HPGD: variants seen among roughly 807,000 people sequenced by gnomAD.
HPGD encodes the protein 15-hydroxyprostaglandin dehydrogenase [NAD(+)].
A neutral mutation model predicts 30.0 loss-of-function variants in HPGD; 29 were observed. That is an observed-to-expected ratio of 0.97 (90% CI 0.72 to 1.32). HPGD has a LOEUF of 1.32. HPGD is among the 40% of genes most tolerant of loss of function. The pLI is 0.00. For synonymous variants in HPGD, 99 were observed against 112.4 expected, an observed-to-expected ratio of 0.88 and a Z score of 0.75; for missense variants, 340 against 322.1, an observed-to-expected ratio of 1.06 and a Z score of -0.43.
intron 3 of HPGD, among the ~76,000 whole-genome samples, chr4:174,516,605 A>G (rs1171029582): frequency 6.6e-6 from 1 of 152,156 alleles, no homozygotes; most frequent in Non-Finnish European, 1.5e-5. Flanking sequence ...TACTCAGGTA[A>G]CAAATCTGCA....
chr4:174,495,342 G>C, intron 5 of HPGD: 1 of 593,104 alleles, frequency 1.7e-6, no homozygotes. Flanking sequence ...TAACACATCT[G>C]TATTTAGAAT....
intron 2 of HPGD, among the ~76,000 whole-genome samples, chr4:174,519,114 T>C (rs17060596): frequency 0.14 from 21,919 of 152,222 alleles, 1,732 homozygotes; most frequent in East Asian, 0.24. Flanking sequence ...ATTACTATGC[T>C]AGTTGTTTAC....
chr4:174,522,178 TTGGGTTCCCTCCCAGCCACTTCTG>T (rs1736173270), intron 1 of HPGD, 111 bp from the exon 2 acceptor site: 1 of 1,536,894 alleles, frequency 6.5e-7, no homozygotes, highest in African/African-American at 1.4e-5. Flanking sequence ...GCAATTAGGT[TTGGGTTCCCTCCCAGCCACTTCTG>T]AGGTGTGCTC....
At chr4:174,512,376 G>T (rs1735550831) in intron 3 of HPGD, among the ~76,000 whole-genome samples, 1 of 152,050 alleles carries the variant, frequency 6.6e-6, no homozygotes, top group South Asian at 2.1e-4. Flanking sequence ...TTAAAAAACT[G>T]GTAAGCCCTA....
At chr4:174,515,854 G>GAC (rs1287378393) in intron 3 of HPGD, among the ~76,000 whole-genome samples, 13 of 151,910 alleles carry the variant, frequency 8.6e-5, no homozygotes, top group Admixed American at 3.3e-4. Flanking sequence ...GAAGAGGACA[G>GAC]ACACATGGCC....
intron 4 of HPGD, among the ~76,000 whole-genome samples, chr4:174,506,064 G>A (rs1735170641): frequency 6.6e-6 from 1 of 152,188 alleles, no homozygotes; most frequent in Non-Finnish European, 1.5e-5. Flanking sequence ...TGTTGTATCT[G>A]ACATAGGTAA....
At chr4:174,517,008 A>G (rs993729212) in intron 3 of HPGD, among the ~76,000 whole-genome samples, 3 of 152,182 alleles carry the variant, frequency 2.0e-5, no homozygotes, top group Non-Finnish European at 4.4e-5. Context: ...CTGTACCTTT[A>G]TACATACACA....
intron 5 of HPGD, among the ~76,000 whole-genome samples, chr4:174,493,893 C>A (rs1215875442): frequency 6.6e-6 from 1 of 152,054 alleles, no homozygotes; most frequent in Non-Finnish European, 1.5e-5. Flanking sequence ...AATTTGCTTG[C>A]TAAAATTTAC....
chr4:174,502,677 C>CAAAAAAAA, intron 4 of HPGD, among the ~76,000 whole-genome samples: 1 of 98,836 alleles, frequency 1.0e-5, no homozygotes, highest in Non-Finnish European at 2.0e-5. Flanking sequence ...GACTCCGTCT[C>CAAAAAAAA]AAAAAAAAAA....
intron 3 of HPGD, among the ~76,000 whole-genome samples, chr4:174,516,459 G>A (rs1226813732): frequency 6.6e-6 from 1 of 152,098 alleles, no homozygotes; most frequent in East Asian, 1.9e-4. Context: ...ATACAAAGGG[G>A]AACAATAGTC....
Position 174,522,466 on chromosome 4 carries a change from T to C in HPGD, c.-15A>G. On this transcript the variant is annotated 5_prime_UTR_variant, in exon 1 of 7. Transcript: ENST00000296522. ...TTCACGTGCATGGTGCAGCCACTGC[T>C]GGGGCGGGCGGTGGGCGAGCTCCGC... is the stretch of plus-strand genomic sequence containing the variant. 6.5e-7 allele frequency: 1 copy of C among 1,545,426 alleles called. No individual in the cohort carries two copies. The highest frequency in any genetic ancestry group is 8.8e-7 in the Non-Finnish European group (1 of 1,142,086).
chr4:174,521,264 T>TCCC (rs1736094475), intron 2 of HPGD, among the ~76,000 whole-genome samples: 1 of 152,162 alleles, frequency 6.6e-6, no homozygotes, highest in Admixed American at 6.5e-5. Flanking sequence ...AAGCTGTTTA[T>TCCC]TGTGTATGCC....
chr4:174,505,816 T>C (rs1480478800), intron 4 of HPGD, among the ~76,000 whole-genome samples: 3 of 151,362 alleles, frequency 2.0e-5, no homozygotes, highest in African/African-American at 7.3e-5. Context: ...ATGGAGAGAG[T>C]AGTAAGCCAA....
rs45470701 is a variant in HPGD at position 174,521,772 on chromosome 4, A to G, written c.217+172T>C. On this transcript the variant is annotated intron_variant, in intron 2 of 6. Coordinates refer to ENST00000296522, the MANE Select transcript of HPGD (RefSeq NM_000860.6). Reference sequence around the variant, plus strand: ...TTGCCTTTCTTTCGGTTTTACAGCTATTGGGCTGTCAGAAGGAAACGTATC... The same window carrying G: ...TTGCCTTTCTTTCGGTTTTACAGCTGTTGGGCTGTCAGAAGGAAACGTATC... 2.6e-3 allele frequency among the ~76,000 whole-genome samples: 400 copies of G among 152,324 alleles called. 3 individuals are homozygous for G. The highest frequency in any genetic ancestry group is 0.01 in the Middle Eastern group (3 of 294).
chr4:174,516,995 T>C (rs1435777362), intron 3 of HPGD, among the ~76,000 whole-genome samples: 1 of 152,190 alleles, frequency 6.6e-6, no homozygotes, highest in African/African-American at 2.4e-5. Context: ...AGGAGGTCAC[T>C]CCCTGTACCT....
At position 174,522,404 on chromosome 4, in the gene HPGD, G is replaced by A. The variant is rs1736197144; in HGVS notation, c.48C>T (p.Gly16=). The A allele has an allele frequency of 6.3e-7, 1 of 1,583,116 alleles. No individual in the cohort carries two copies. The highest frequency in any genetic ancestry group is 2.2e-4 in the Middle Eastern group (1 of 4,644). ...KVALVTGAAQ[G]IGRAFAEALL... is the part of the protein sequence containing the mutation. ...GCGCCTCTGCAAAGGCTCTGCCTATGCCCTGAGCCGCGCCGGTCACCAGCG... is the reference window on the plus strand; with the variant it reads ...GCGCCTCTGCAAAGGCTCTGCCTATACCCTGAGCCGCGCCGGTCACCAGCG... Residue 16 remains glycine (G), a synonymous_variant, in exon 1 of 7, where the codon GGC becomes GGT. Coordinates refer to ENST00000296522, the MANE Select transcript of HPGD (RefSeq NM_000860.6).
chr4:174,509,581 G>A (rs892030974), intron 3 of HPGD, among the ~76,000 whole-genome samples: 4 of 152,040 alleles, frequency 2.6e-5, no homozygotes, highest in Non-Finnish European at 5.9e-5. Flanking sequence ...TATGAATGTC[G>A]TAACTTAAAT....
chr4:174,507,310 G>A (rs1163647704), intron 4 of HPGD: 1 of 152,138 alleles, frequency 6.6e-6, no homozygotes, highest in African/African-American at 2.4e-5. Flanking sequence ...AATAGCTTTA[G>A]GGACATGATT....
chr4:174,516,865 G>A (rs1735799291), intron 3 of HPGD, among the ~76,000 whole-genome samples: 1 of 152,084 alleles, frequency 6.6e-6, no homozygotes, highest in South Asian at 2.1e-4. Context: ...AGTAAAAAAT[G>A]TATTGACTAA....
Sources: allele counts gnomAD v4.1 joint callset (sites outside exome capture counted in the v4.1 genomes callset), GRCh38; gene constraint gnomAD v4.1.1; transcripts MANE v1.5; gene names NCBI Gene and HGNC (gene_info 2026-07-23, HGNC 2026-07-21).